RASEF: variants seen among roughly 807,000 people sequenced by gnomAD.
The protein encoded by RASEF is ras and EF-hand domain-containing protein.
Under a neutral mutation model 90.1 loss-of-function variants are expected in RASEF, and 68 were observed. That is an observed-to-expected ratio of 0.75 (90% CI 0.62 to 0.92). The LOEUF (loss-of-function observed/expected upper bound fraction) is 0.92, where lower values mean the gene tolerates loss of function less well. RASEF is among the 40% of genes least tolerant of loss of function. The probability of loss-of-function intolerance (pLI) is 0.00; values close to 1 mark genes in which losing one functional copy is unlikely to be tolerated. For synonymous variants in RASEF, 331 were observed against 345.2 expected (o/e 0.96, Z 0.46); for missense variants, 949 against 937.2 (o/e 1.01, Z -0.16).
chr9:83,156,029 T>C, the RASEF span, among the ~76,000 whole-genome samples: 3 of 152,182 alleles, frequency 2.0e-5, no homozygotes, highest in Admixed American at 2.0e-4. Context: ...GAATAATATC[T>C]CTTTTGAAGA....
chr9:83,014,821 A>T (rs1829314594), intron 4 of RASEF, among the ~76,000 whole-genome samples: 2 of 152,174 alleles, frequency 1.3e-5, no homozygotes, highest in African/African-American at 4.8e-5. Flanking sequence ...CAGTAATGAC[A>T]GGAGTATTTA....
the RASEF span, among the ~76,000 whole-genome samples, chr9:83,139,895 G>A: frequency 6.6e-6 from 1 of 152,000 alleles, no homozygotes; most frequent in African/African-American, 2.4e-5. Context: ...ATACTATATT[G>A]GTTACTAATT....
chr9:83,170,463 T>G, the RASEF span, among the ~76,000 whole-genome samples: 2 of 151,924 alleles, frequency 1.3e-5, no homozygotes, highest in Non-Finnish European at 2.9e-5. Context: ...TTTATGTATG[T>G]CATTGGTATT....
intron 6 of RASEF, among the ~76,000 whole-genome samples, chr9:83,008,891 C>CTCATATAT (rs57817845): frequency 0.018 from 348 of 19,506 alleles, 32 homozygotes; most frequent in Middle Eastern, 0.05. Flanking sequence ...AAGTTCTCAT[C>CTCATATAT]ATATATATAT....
chr9:83,147,040 G>GTGTGTATA, the RASEF span, among the ~76,000 whole-genome samples: 2 of 143,720 alleles, frequency 1.4e-5, 1 homozygote, highest in South Asian at 4.3e-4. Context: ...ATATATATAT[G>GTGTGTATA]TATATATATA....
chr9:83,210,418 A>G, the RASEF span, among the ~76,000 whole-genome samples: 3 of 152,236 alleles, frequency 2.0e-5, no homozygotes, highest in Admixed American at 2.0e-4. Flanking sequence ...GAGGCTTAGA[A>G]TGATGAAGTG....
chr9:83,143,894 G>A, the RASEF span, among the ~76,000 whole-genome samples: 1 of 152,100 alleles, frequency 6.6e-6, no homozygotes, highest in Non-Finnish European at 1.5e-5. Context: ...CAAAGACATA[G>A]AATTGACCCA....
intron 3 of RASEF, among the ~76,000 whole-genome samples, chr9:83,018,690 T>C (rs965936237): frequency 7.7e-5 from 3 of 39,106 alleles, no homozygotes; most frequent in Non-Finnish European, 1.2e-4. Flanking sequence ...TCAAGACTTA[T>C]TATAAACCAA....
intron 1 of RASEF, among the ~76,000 whole-genome samples, chr9:83,036,564 G>A (rs1376196973): frequency 3.3e-5 from 5 of 152,074 alleles, no homozygotes; most frequent in African/African-American, 9.7e-5. Flanking sequence ...TTTACATTTC[G>A]CAGTAAACTC....
the RASEF span, among the ~76,000 whole-genome samples, chr9:83,113,714 G>A: frequency 6.6e-6 from 1 of 152,148 alleles, no homozygotes; most frequent in African/African-American, 2.4e-5. Context: ...AGTAGCCTCA[G>A]GCTTACTAGG....
the RASEF span, among the ~76,000 whole-genome samples, chr9:83,166,055 G>A: frequency 6.6e-6 from 1 of 152,056 alleles, no homozygotes; most frequent in African/African-American, 2.4e-5. Flanking sequence ...GTCAAGATGG[G>A]TTTATCTGTG....
the RASEF span, among the ~76,000 whole-genome samples, chr9:83,177,342 C>T: frequency 2.6e-5 from 4 of 152,092 alleles, no homozygotes; most frequent in African/African-American, 4.8e-5. Context: ...GAGTCACTTA[C>T]CCGAAGAATT....
the RASEF span, among the ~76,000 whole-genome samples, chr9:83,182,652 G>A: frequency 2.0e-5 from 3 of 152,102 alleles, no homozygotes; most frequent in South Asian, 6.2e-4. Flanking sequence ...CCAAATTTTG[G>A]TTTCAATTAA....
chr9:83,099,921 C>T, the RASEF span, among the ~76,000 whole-genome samples: 1 of 152,172 alleles, frequency 6.6e-6, no homozygotes, highest in Non-Finnish European at 1.5e-5. Flanking sequence ...TGATACAGCA[C>T]TTATGAAATC....
In RASEF at chr9:82,982,906, C is replaced by T. The variant is rs939555018; in HGVS notation, c.2118-124G>A. ...AAAATAGCCATGCTGAGTGTCTGCACGGCCTTATAGACATTGTTTTAATGC... is the reference window on the plus strand; with the variant it reads ...AAAATAGCCATGCTGAGTGTCTGCATGGCCTTATAGACATTGTTTTAATGC... On this transcript the variant is annotated intron_variant, in intron 16 of 16. Transcript: ENST00000376447. 197 of 678,456 alleles carry T rather than the reference C, an allele frequency of 2.9e-4. 2 individuals are homozygous for T. The highest frequency in any genetic ancestry group is 7.3e-4 in the South Asian group (45 of 61,640). 42.0% of individuals were successfully genotyped at this position (678,456 alleles called of 1,614,324 possible).
the RASEF span, among the ~76,000 whole-genome samples, chr9:83,212,505 T>C: frequency 6.6e-6 from 1 of 152,218 alleles, no homozygotes; most frequent in African/African-American, 2.4e-5. Context: ...CTTAAGAGCA[T>C]TGTATACAAC....
the RASEF span, among the ~76,000 whole-genome samples, chr9:83,137,784 A>G: frequency 9.9e-6 from 1 of 101,500 alleles, no homozygotes; most frequent in South Asian, 3.8e-4. Context: ...ATTTTTATAC[A>G]TGAAGTGATT....
intron 1 of RASEF, among the ~76,000 whole-genome samples, chr9:83,038,241 C>T (rs990064992): frequency 2.9e-4 from 44 of 152,178 alleles, no homozygotes; most frequent in African/African-American, 9.4e-4. Flanking sequence ...CTGTGACAAT[C>T]GTGGACTGAA....
chr9:83,076,853 A>T, the RASEF span, among the ~76,000 whole-genome samples: 1 of 152,210 alleles, frequency 6.6e-6, no homozygotes, highest in Non-Finnish European at 1.5e-5. Context: ...TTCAAGTCTG[A>T]CAAGTCCTGA....
Sources: allele counts gnomAD v4.1 joint callset (sites outside exome capture counted in the v4.1 genomes callset), GRCh38; gene constraint gnomAD v4.1.1; transcripts MANE v1.5; gene names NCBI Gene and HGNC (gene_info 2026-07-23, HGNC 2026-07-21).